Variants in ABCA12 observed in about 807,000 individuals in gnomAD.
ABCA12 encodes glucosylceramide transporter ABCA12.
A neutral mutation model predicts 293.5 loss-of-function variants in ABCA12; 156 were observed. The observed-to-expected ratio is 0.53, with a 90% CI of 0.47 to 0.61. The LOEUF is 0.61. Ranked by LOEUF, ABCA12 falls within the 20% of genes least tolerant of loss-of-function variation. The pLI, the probability that ABCA12 is intolerant of heterozygous loss-of-function variation, is 0.00. For synonymous variants in ABCA12, 1,063 were observed against 1,108.0 expected (o/e 0.96, Z 0.81); for missense variants, 2,797 against 3,090.2 (o/e 0.91, Z 2.25).
intron 8 of ABCA12, among the ~76,000 whole-genome samples, chr2:215,034,255 T>C (rs920047912): frequency 6.6e-6 from 1 of 152,146 alleles, no homozygotes; most frequent in East Asian, 1.9e-4. Context: ...TATCTTGAGA[T>C]AGGAAGTTAG....
At chr2:215,017,867 C>T in intron 14 of ABCA12, 141 bp downstream of exon 14, 4 of 1,190,086 alleles carry the variant, frequency 3.4e-6, no homozygotes, top group Non-Finnish European at 4.8e-6. Context: ...TTAATGAGGC[C>T]TCCAGGTTTA....
intron 1 of ABCA12, among the ~76,000 whole-genome samples, chr2:215,123,291 C>A (rs1440228259): frequency 6.6e-6 from 1 of 152,136 alleles, no homozygotes; most frequent in Non-Finnish European, 1.5e-5. Context: ...ACTGCCTCAG[C>A]CTCCCAAGTA....
rs147463979 is a variant in ABCA12 at position 215,028,156 on chromosome 2, C to T, written c.1062-1218G>A. Among the ~76,000 whole-genome samples the T allele has an allele frequency of 3.9e-3, 594 of 152,262 alleles. 3 individuals carry two copies. The highest frequency in any genetic ancestry group is 0.014 in the African/African-American group (571 of 41,542). Reference sequence around the variant, plus strand: ...TGTACAATACACAAATTAACTAGTCCTACTGGATGTTTAACTTAGATTTTA... The same window carrying T: ...TGTACAATACACAAATTAACTAGTCTTACTGGATGTTTAACTTAGATTTTA... On this transcript the variant is annotated intron_variant, in intron 9 of 52. Coordinates refer to ENST00000272895, the MANE Select transcript of ABCA12 (RefSeq NM_173076.3).
In ABCA12 at chr2:214,975,937, G is replaced by C; in HGVS notation, c.5229C>G (p.Asn1743Lys). ...LIKRFHHTRR[N>K]WKGLIAQVIL... ...TAACCTGAGCAATGAGACCTTTCCA[G>C]TTCCTGCGGGTGTGGTGGAACCTCT... Residue 1743 changes from asparagine (N) to lysine (K), a missense_variant, in exon 34 of 53, where the codon AAC (asparagine) becomes AAG (lysine). Asn to Lys is a moderately conservative substitution (Grantham distance 94, BLOSUM62 0). Transcript: ENST00000272895. The C allele has an allele frequency of 1.2e-6, 2 of 1,614,140 alleles. No individual in the cohort carries two copies. The highest frequency in any genetic ancestry group is 1.7e-6 in the Non-Finnish European group (2 of 1,179,994).
At position 214,987,603 on chromosome 2, in the gene ABCA12, C is replaced by G. The variant is rs375871551; in HGVS notation, c.3976+44G>C. 6.3e-6 allele frequency: 10 copies of G among 1,581,824 alleles called. No individual in the cohort carries two copies. In the East Asian group the frequency reaches 2.0e-4, roughly 32 times the overall value. On this transcript the variant is annotated intron_variant, in intron 27 of 52. Coordinates refer to ENST00000272895, the MANE Select transcript of ABCA12 (RefSeq NM_173076.3). ...AACTACTAGTCATGTAATTTCATAT[C>G]ATTTCTCTCATAACAAAGCACGCTG...
chr2:215,122,842 G>T (rs539359416), intron 1 of ABCA12, among the ~76,000 whole-genome samples: 14 of 152,140 alleles, frequency 9.2e-5, no homozygotes, highest in African/African-American at 3.1e-4. Context: ...TGGTTATATG[G>T]GTATTACATG....
chr2:215,045,966 C>A lies in ABCA12; in HGVS notation c.743G>T (p.Arg248Ile), dbSNP rs371738215. 1.5e-5 allele frequency: 25 copies of A among 1,613,608 alleles called. No individual in the cohort carries two copies. Among genetic ancestry groups the A allele is most frequent in the Middle Eastern group, 3.3e-4 (2 of 6,080 alleles). ...NQKIVFQEIV[R>I]MLSFFSQVQE... ...CACTTGTGAGAAGAAAGACAGCATT[C>A]TGACTATTTCCTGAAACACTATCTT... Residue 248 changes from arginine (R) to isoleucine (I), a missense_variant, in exon 7 of 53, where the codon AGA becomes ATA. Transcript: ENST00000272895.
At chr2:214,997,845 C>G in intron 22 of ABCA12, 36 bp from the exon 23 acceptor site, 1 of 1,194,434 alleles carries the variant, frequency 8.4e-7, no homozygotes, top group Non-Finnish European at 1.3e-6. Context: ...ATTCAGCGAC[C>G]AAAATGAACA....
At chr2:215,030,744 G>T (rs910666611) in intron 9 of ABCA12, among the ~76,000 whole-genome samples, 2 of 152,186 alleles carry the variant, frequency 1.3e-5, no homozygotes, top group African/African-American at 4.8e-5. Context: ...GAAAGAGGAG[G>T]TAGTTGTTTA....
chr2:215,117,040 A>G (rs2106134685), intron 1 of ABCA12, among the ~76,000 whole-genome samples: 1 of 152,348 alleles, frequency 6.6e-6, no homozygotes, highest in South Asian at 2.1e-4. Flanking sequence ...GTATTGAGCT[A>G]TGTTTACTTG....
intron 38 of ABCA12, 124 bp from the exon 39 acceptor site, chr2:214,967,077 A>G: frequency 1.2e-6 from 1 of 854,204 alleles, no homozygotes; most frequent in Admixed American, 2.0e-5. Flanking sequence ...AATTTATTTT[A>G]TCTTGGAAGA....
Position 214,981,939 on chromosome 2 carries a change from G to GTTT in ABCA12, c.4579+245_4579+247dup, listed in dbSNP as rs1037879947. On this transcript the variant is annotated intron_variant, in intron 30 of 52. Coordinates refer to ENST00000272895, the MANE Select transcript of ABCA12 (RefSeq NM_173076.3). ...CACATGCCAGCCACCACAGTCAGCT[G>GTTT]TTTTTATTATTATTATTATTATTAT... Among the ~76,000 whole-genome samples the GTTT allele has an allele frequency of 2.1e-4, 24 of 115,036 alleles. No homozygotes were observed. In the East Asian group the frequency reaches 2.4e-3, roughly 12 times the overall value. The allele number at this position is 115,036 out of a possible 152,430, so 75.5% of individuals were successfully genotyped here.
chr2:214,986,793 T>C, intron 27 of ABCA12, 65 bp from the exon 28 acceptor site: 1 of 1,410,984 alleles, frequency 7.1e-7, no homozygotes, highest in Non-Finnish European at 1.0e-6. Context: ...GAGTTAGACT[T>C]TATCTTTATT....
At chr2:214,991,105 T>A (rs1559134542) in intron 23 of ABCA12, 74 bp from the exon 24 acceptor site, 2 of 1,315,188 alleles carry the variant, frequency 1.5e-6, no homozygotes, top group African/African-American at 1.4e-5. Context: ...CTGTATTATG[T>A]CAAAATGTCA....
chr2:214,978,191 T>A, intron 33 of ABCA12, 125 bp downstream of exon 33: 1 of 1,121,240 alleles, frequency 8.9e-7, no homozygotes, highest in Non-Finnish European at 1.3e-6. Flanking sequence ...TTAAATTTCC[T>A]TAGTGTTTTT....
chr2:215,048,933 A>G (rs1575009885), intron 6 of ABCA12, among the ~76,000 whole-genome samples: 1 of 152,298 alleles, frequency 6.6e-6, no homozygotes, highest in Middle Eastern at 3.4e-3. Flanking sequence ...TTTCTCACTT[A>G]TAAGTGGGAG....
intron 5 of ABCA12, 28 bp from the exon 6 acceptor site, chr2:215,049,839 T>C (rs1231133624): frequency 6.3e-7 from 1 of 1,575,546 alleles, no homozygotes; most frequent in Non-Finnish European, 8.7e-7. Context: ...AAGAGTAAAA[T>C]AAGAGTGTTA....
At position 215,045,927 on chromosome 2, in the gene ABCA12, G is replaced by A. The variant is rs766593903; in HGVS notation, c.782C>T (p.Ala261Val). 1.2e-6 allele frequency: 2 copies of A among 1,613,654 alleles called. No individual in the cohort carries two copies. Among genetic ancestry groups the A allele is most frequent in the South Asian group, 2.2e-5 (2 of 91,050 alleles). Residue 261 changes from alanine (A) to valine (V), a missense_variant, in exon 7 of 53, where the codon GCT becomes GTT. Ala to Val is a moderately conservative substitution (Grantham distance 64). Around this residue, in one of 3 missense-constraint regions of ABCA12, gnomAD observed 656 missense variants for 638.2 expected, o/e 1.03. Coordinates refer to ENST00000272895, the MANE Select transcript of ABCA12 (RefSeq NM_173076.3). ...AAAACTAGACAGAAGCTGCCACACA[G>A]CTTTCTGCTCTTGCACTTGTGAGAA... is the stretch of plus-strand genomic sequence containing the variant. ...SFFSQVQEQK[A>V]VWQLLSSFPN...
intron 45 of ABCA12, among the ~76,000 whole-genome samples, chr2:214,949,655 T>G (rs1378118638): frequency 6.6e-6 from 1 of 152,222 alleles, no homozygotes; most frequent in Admixed American, 6.5e-5. Flanking sequence ...TTTTCAATGC[T>G]GCCTTAATAT....
Sources: allele counts gnomAD v4.1 joint callset (sites outside exome capture counted in the v4.1 genomes callset), GRCh38; gene constraint gnomAD v4.1.1; regional missense constraint gnomAD v4.1.1; transcripts MANE v1.5; gene names NCBI Gene and HGNC (gene_info 2026-07-23, HGNC 2026-07-21).